Variants in KLHL6 observed in about 807,000 individuals in gnomAD.
KLHL6 encodes kelch like family member 6.
In KLHL6, 41 loss-of-function variants were observed where a neutral mutation model predicts 58.6. The ratio of observed to expected loss-of-function variants is 0.70; its 90% CI spans 0.55 to 0.91. KLHL6 has a LOEUF of 0.91. Ranked by LOEUF, KLHL6 falls within the 40% of genes least tolerant of loss-of-function variation. KLHL6 has a pLI of 0.00. For missense variants in KLHL6, 714 were observed against 805.6 expected, an observed-to-expected ratio of 0.89 and a Z score of 1.38; for synonymous variants, 338 against 322.7, an observed-to-expected ratio of 1.05 and a Z score of -0.51.
chr3:183,548,065 C>G (rs545045243), intron 1 of KLHL6, among the ~76,000 whole-genome samples: 1 of 152,278 alleles, frequency 6.6e-6, no homozygotes, highest in African/African-American at 2.4e-5. Flanking sequence ...TGACAGACCC[C>G]CATAGCAGCA....
intron 2 of KLHL6, chr3:183,521,061 A>T (rs1711741236): frequency 1.3e-5 from 2 of 152,218 alleles, no homozygotes; most frequent in African/African-American, 4.8e-5. Flanking sequence ...TCCGCAGTGC[A>T]TTCTGTCCCT....
At position 183,491,975 on chromosome 3, in the gene KLHL6, C is replaced by T. The variant is rs769092284; in HGVS notation, c.1818G>A (p.Lys606=). ...CGATCCTGCGGATGTGGGTGTACGA[C>T]TTCCTGATGGTGACGCTGCCGTGGT... ...VSHHGSVTIR[K]SYTHIRRIVP... is the part of the protein sequence containing the mutation. Residue 606 remains lysine, a synonymous_variant, in exon 7 of 7, where the codon AAG becomes AAA. Transcript: ENST00000341319. The T allele has an allele frequency of 3.4e-5, 54 of 1,567,174 alleles. No homozygotes were observed. In the East Asian group the frequency reaches 1.2e-3, roughly 36 times the overall value.
intron 1 of KLHL6, among the ~76,000 whole-genome samples, chr3:183,540,945 C>T (rs1281755719): frequency 6.6e-6 from 1 of 152,180 alleles, no homozygotes; most frequent in Non-Finnish European, 1.5e-5. Flanking sequence ...ACCACCACAT[C>T]CCGACCAGGC....
At chr3:183,533,549 G>A (rs986526794) in intron 1 of KLHL6, among the ~76,000 whole-genome samples, 2 of 151,936 alleles carry the variant, frequency 1.3e-5, no homozygotes, top group African/African-American at 2.4e-5. Context: ...AAGATTACAG[G>A]CATGAGCCTC....
rs754801431 is a variant in KLHL6, at chr3:183,487,723, T to G, written c.*4204A>C. On this transcript the variant is annotated 3_prime_UTR_variant, in exon 7 of 7. Transcript: ENST00000341319. The stretch of plus-strand genomic sequence containing the variant: ...CTATTTATACCTATACATATGAAAA[T>G]CTGACCTGTCAAAACTGGTTTTGCA... 4 of 152,194 alleles carry G rather than the reference T, an allele frequency of 2.6e-5. No homozygotes were observed. The highest frequency in any genetic ancestry group is 5.9e-5 in the Non-Finnish European group (4 of 68,028). 9.4% of individuals were successfully genotyped at this position (152,194 alleles called of 1,614,324 possible). A position where few individuals can be genotyped will look rare whatever the true frequency, so the allele number is the denominator to read the frequency against.
In KLHL6 at chr3:183,540,438, A is replaced by G. The variant is rs577595974; in HGVS notation, c.294-12428T>C. On this transcript the variant is annotated intron_variant, in intron 1 of 6. Coordinates refer to ENST00000341319, the MANE Select transcript of KLHL6 (RefSeq NM_130446.4). ...TTTTAATTCCATGAGCAAATAAATT[A>G]TTTTTTCCCCTTTATGCTTGGACCA... Among the ~76,000 whole-genome samples the G allele has an allele frequency of 1.5e-4, 23 of 152,146 alleles. 1 individual carries two copies. Among genetic ancestry groups the G allele is most frequent in the Non-Finnish European group, 1.6e-4 (11 of 67,998 alleles).
intron 2 of KLHL6, chr3:183,520,171 T>C (rs1371332894): frequency 6.6e-6 from 1 of 152,176 alleles, no homozygotes. Context: ...GGTGGTTGCA[T>C]GGTGAAATAC....
chr3:183,519,141 C>A (rs1169399286), intron 2 of KLHL6, among the ~76,000 whole-genome samples: 1 of 152,188 alleles, frequency 6.6e-6, no homozygotes, highest in African/African-American at 2.4e-5. Flanking sequence ...AGTTGCTCCA[C>A]GTCCCCTGTA....
At chr3:183,510,169 C>T (rs563740093) in intron 2 of KLHL6, among the ~76,000 whole-genome samples, 80 of 152,172 alleles carry the variant, frequency 5.3e-4, no homozygotes, top group South Asian at 1.2e-3. Context: ...TTCTCTGGAG[C>T]TTAGCTTTGA....
rs1193974038 is a variant in KLHL6 at position 183,488,322 on chromosome 3, C to G, written c.*3605G>C. ...CAGTAAGTTGGCCCAAATGCTGGGC[C>G]TGCTCTAACTTGTGCCTCTGCTCTA... is the stretch of plus-strand genomic sequence containing the variant. On this transcript the variant is annotated 3_prime_UTR_variant, in exon 7 of 7. Transcript: ENST00000341319. 1 of 152,266 alleles carries G rather than the reference C, an allele frequency of 6.6e-6. No homozygotes were observed. The highest frequency in any genetic ancestry group is 2.4e-5 in the African/African-American group (1 of 41,468). The allele number at this position is 152,266 out of a possible 1,614,324, so 9.4% of individuals were successfully genotyped here.
chr3:183,549,891 T>G (rs1313856467), intron 1 of KLHL6, among the ~76,000 whole-genome samples: 2 of 151,990 alleles, frequency 1.3e-5, no homozygotes, highest in African/African-American at 4.8e-5. Context: ...CTGGGCAACA[T>G]AGGGAGACCT....
intron 3 of KLHL6, among the ~76,000 whole-genome samples, chr3:183,500,731 C>T (rs894834588): frequency 6.6e-6 from 1 of 152,164 alleles, no homozygotes; most frequent in African/African-American, 2.4e-5. Flanking sequence ...CATTGATCCC[C>T]TGGGCTCCAT....
Position 183,499,499 on chromosome 3 carries a change from G to A in KLHL6, c.1147+91C>T. On this transcript the variant is annotated intron_variant, in intron 4 of 6. Coordinates refer to ENST00000341319, the MANE Select transcript of KLHL6 (RefSeq NM_130446.4). The surrounding 1 kb of genome is among the most constrained non-coding windows in gnomAD (Gnocchi z 4.6). ...AGAGCCGGATCATTGCCAATTCACA[G>A]TAATTCTTCTAGGATGGTTGCCTGG... is the stretch of plus-strand genomic sequence containing the variant. 1 of 830,144 alleles carries A rather than the reference G, an allele frequency of 1.2e-6. No homozygotes were observed. The highest frequency in any genetic ancestry group is 1.8e-5 in the South Asian group (1 of 55,658). 51.4% of individuals were successfully genotyped at this position (830,144 alleles called of 1,614,324 possible).
chr3:183,535,074 A>G (rs148062035), intron 1 of KLHL6, among the ~76,000 whole-genome samples: 5,663 of 151,778 alleles, frequency 0.037, 335 homozygotes, highest in African/African-American at 0.13. Context: ...CCTCTTGAGT[A>G]GCTGGGACTA....
intron 1 of KLHL6, among the ~76,000 whole-genome samples, chr3:183,532,356 TC>T (rs1432240676): frequency 6.6e-6 from 1 of 152,202 alleles, no homozygotes; most frequent in African/African-American, 2.4e-5. Context: ...ACTTCCAGAC[TC>T]TATAGAAGTG....
rs1198714547 is a variant in KLHL6, at chr3:183,499,721, C to A, written c.1016G>T (p.Cys339Phe). The A allele has an allele frequency of 6.2e-7, 1 of 1,611,288 alleles. No individual in the cohort carries two copies. The highest frequency in any genetic ancestry group is 2.2e-5 in the East Asian group (1 of 44,866). The change falls in exon 4 of 7, where the codon TGC becomes TTC. Residue 339 changes from cysteine (C) to phenylalanine (F), a missense_variant. Physicochemically the swap from Cys to Phe is radical, Grantham distance 205 (BLOSUM62 -2). Coordinates refer to ENST00000341319, the MANE Select transcript of KLHL6 (RefSeq NM_130446.4). This position sits in a 1 kb window ranked among gnomAD's most constrained non-coding sequence, Gnocchi z 4.6. ...GCGGCTGCGCCTCAGGGGGTCCAGG[C>A]AGGTCACCTCTGCCACAAACCGTTC... ...KDERFVAEVT[C>F]LDPLRRSRLE... is the part of the protein sequence containing the mutation.
At chr3:183,511,543 A>T (rs1250576683) in intron 2 of KLHL6, among the ~76,000 whole-genome samples, 2 of 152,180 alleles carry the variant, frequency 1.3e-5, no homozygotes, top group Non-Finnish European at 2.9e-5. Context: ...TTCCCATCCC[A>T]CGAGGCCATA....
chr3:183,493,539 G>A (rs2686427), intron 5 of KLHL6: 29,629 of 154,760 alleles, frequency 0.19, 3,147 homozygotes, highest in Middle Eastern at 0.26. Flanking sequence ...GAAATGAGAT[G>A]AGGTGGCTTT....
At position 183,499,396 on chromosome 3, in the gene KLHL6, G is replaced by GT. The variant is rs1717805566; in HGVS notation, c.1147+193dup. Among the ~76,000 whole-genome samples the GT allele has an allele frequency of 6.6e-6, 1 of 152,140 alleles. No individual in the cohort carries two copies. Among genetic ancestry groups the GT allele is most frequent in the Admixed American group, 6.5e-5 (1 of 15,274 alleles). On this transcript the variant is annotated intron_variant, in intron 4 of 6. Coordinates refer to ENST00000341319, the MANE Select transcript of KLHL6 (RefSeq NM_130446.4). The surrounding 1 kb of genome is among the most constrained non-coding windows in gnomAD (Gnocchi z 4.6). The stretch of plus-strand genomic sequence containing the variant: ...GAAAAAAATAGTACAATGTTGCTCA[G>GT]TTTTTTGTTTATTAAGTAGCAATGT...
Sources: gnomAD v4.1 joint callset for allele counts (sites outside exome capture counted in the v4.1 genomes callset) on GRCh38, gnomAD v4.1.1 for gene constraint, Gnocchi (gnomAD v3.1) non-coding constraint, MANE v1.5 for transcripts, NCBI Gene and HGNC (gene_info 2026-07-23, HGNC 2026-07-21) for gene names.